Variants in ST7 observed in about 807,000 individuals in gnomAD.
The protein encoded by ST7 is suppression of tumorigenicity 7.
Under a neutral mutation model 78.7 loss-of-function variants are expected in ST7, and 28 were observed. The observed-to-expected ratio is 0.36, with a 90% confidence interval of 0.26 to 0.49. The LOEUF is 0.49. Ranked by LOEUF, ST7 falls within the 20% of genes least tolerant of loss-of-function variation. The pLI is 0.99. For synonymous variants in ST7, 247 were observed against 249.6 expected (o/e 0.99, Z 0.10); for missense variants, 418 against 696.0 (o/e 0.60, Z 4.49).
At chr7:117,009,909 C>T (rs542645159) in intron 1 of ST7, among the ~76,000 whole-genome samples, 1 of 152,282 alleles carries the variant, frequency 6.6e-6, no homozygotes, top group South Asian at 2.1e-4. Context: ...TTTGCAGCCA[C>T]TGAGAACCGG....
intron 3 of ST7, among the ~76,000 whole-genome samples, 165 bp downstream of exon 3, chr7:117,119,885 G>T (rs930703967): frequency 6.6e-6 from 1 of 152,006 alleles, no homozygotes; most frequent in African/African-American, 2.4e-5. Context: ...GAGAGGGAGG[G>T]TATAAACATC....
rs1446390601 is a variant in ST7 at position 117,124,998 on chromosome 7, C to G, written c.395-4795C>G. On this transcript the variant is annotated intron_variant, in intron 3 of 15. Transcript: ENST00000323984. ...TCAAATATATCCCTCAGCAAAACTG[C>G]AAAATGCTACATGTCAAGGACCTTT... Among the ~76,000 whole-genome samples the G allele has an allele frequency of 2.6e-5, 4 of 152,074 alleles. No individual in the cohort carries two copies. In the South Asian group the frequency reaches 8.3e-4, roughly 31 times the overall value.
chr7:117,177,936 A>G (rs1264311648), intron 10 of ST7, among the ~76,000 whole-genome samples: 1 of 152,230 alleles, frequency 6.6e-6, no homozygotes, highest in Non-Finnish European at 1.5e-5. Context: ...GTAAGAACAC[A>G]TCACAATCCA....
chr7:117,138,593 C>A, intron 9 of ST7, 61 bp downstream of exon 9: 1 of 1,213,794 alleles, frequency 8.2e-7, no homozygotes, highest in Non-Finnish European at 1.2e-6. Flanking sequence ...GCTGAATGGC[C>A]ATAGCAGTCT....
At chr7:117,099,071 A>AAAAAAG (rs1801363824) in intron 1 of ST7, among the ~76,000 whole-genome samples, 1 of 149,442 alleles carries the variant, frequency 6.7e-6, no homozygotes, top group East Asian at 1.9e-4. Flanking sequence ...AAAAACAAAA[A>AAAAAAG]AAAAAGAAGA....
intron 6 of ST7, among the ~76,000 whole-genome samples, chr7:117,132,953 G>C (rs1804486728): frequency 6.6e-6 from 1 of 151,836 alleles, no homozygotes; most frequent in Non-Finnish European, 1.5e-5. Flanking sequence ...AAGCCACCCA[G>C]TTACACTGTG....
chr7:117,119,987 G>A (rs544459422), intron 3 of ST7, among the ~76,000 whole-genome samples: 84 of 151,810 alleles, frequency 5.5e-4, no homozygotes, highest in South Asian at 1.0e-3. Context: ...GGAGTGCAGT[G>A]GCATGATCTT....
At chr7:117,103,405 A>C (rs1801711343) in intron 2 of ST7, among the ~76,000 whole-genome samples, 1 of 152,244 alleles carries the variant, frequency 6.6e-6, no homozygotes, top group Admixed American at 6.5e-5. Flanking sequence ...AAAAACAGAC[A>C]CATAGCAATG....
intron 1 of ST7, among the ~76,000 whole-genome samples, chr7:117,025,067 T>C (rs1796120307): frequency 6.6e-6 from 1 of 152,178 alleles, no homozygotes; most frequent in Non-Finnish European, 1.5e-5. Context: ...ACTCTAGCAA[T>C]ATTAAGTCAT....
chr7:116,975,663 C>T (rs953215940), intron 1 of ST7, among the ~76,000 whole-genome samples: 4 of 151,606 alleles, frequency 2.6e-5, no homozygotes, highest in African/African-American at 9.7e-5. Context: ...CTGCCTTGGC[C>T]TCCTAAAGTG....
chr7:116,999,367 G>T (rs113519306), intron 1 of ST7, among the ~76,000 whole-genome samples: 1,718 of 152,242 alleles, frequency 0.011, 26 homozygotes, highest in African/African-American at 0.038. Flanking sequence ...AAGCATCTTA[G>T]ATACTTGGAG....
chr7:116,972,549 C>G, intron 1 of ST7: 1 of 1,338,260 alleles, frequency 7.5e-7, no homozygotes, highest in Non-Finnish European at 1.1e-6. Flanking sequence ...TCCTATTTGC[C>G]TCTTCTGCAA....
intron 1 of ST7, among the ~76,000 whole-genome samples, chr7:117,016,638 A>G (rs906759557): frequency 1.3e-5 from 2 of 152,196 alleles, no homozygotes; most frequent in African/African-American, 4.8e-5. Flanking sequence ...GGAAATTCAC[A>G]TGACACTTTC....
chr7:117,129,890 G>A, intron 4 of ST7, 43 bp downstream of exon 4: 1 of 1,534,088 alleles, frequency 6.5e-7, no homozygotes, highest in Non-Finnish European at 9.0e-7. Context: ...GTCTGGTTCA[G>A]AGAGCAAAGA....
chr7:117,087,500 TG>T (rs1393838339), intron 1 of ST7, among the ~76,000 whole-genome samples: 1 of 152,174 alleles, frequency 6.6e-6, no homozygotes, highest in African/African-American at 2.4e-5. Flanking sequence ...AAAAGTTTGG[TG>T]TAAGAATGAA....
chr7:117,073,461 T>G (rs1006192642), intron 1 of ST7, among the ~76,000 whole-genome samples: 4 of 152,214 alleles, frequency 2.6e-5, no homozygotes, highest in Admixed American at 6.5e-5. Context: ...TTCATCCATC[T>G]ATCCTGAGGA....
At chr7:117,148,706 A>G (rs1806006147) in intron 9 of ST7, among the ~76,000 whole-genome samples, 1 of 152,206 alleles carries the variant, frequency 6.6e-6, no homozygotes, top group Non-Finnish European at 1.5e-5. Context: ...CTATGTCAAT[A>G]TCTATAAATT....
chr7:117,051,013 T>G (rs1004427774), intron 1 of ST7, among the ~76,000 whole-genome samples: 2 of 152,226 alleles, frequency 1.3e-5, no homozygotes, highest in African/African-American at 4.8e-5. Context: ...CAAATTTTTT[T>G]TCCAATATGT....
rs1448535991 is a variant in ST7, at chr7:116,990,126, T to C, written c.151+36435T>C. 9.9e-5 allele frequency among the ~76,000 whole-genome samples: 15 copies of C among 152,164 alleles called. No homozygotes were observed. In the East Asian group the frequency reaches 2.9e-3, roughly 30 times the overall value. On this transcript the variant is annotated intron_variant, in intron 1 of 15. Coordinates refer to ENST00000323984, the MANE Select transcript of ST7 (RefSeq NM_001369598.1). ...TAATTTTTTGTATTTTTAGTAGAGA[T>C]GGGGTTTCACCATGTTAGCCAGGAT...
Sources: gnomAD v4.1 joint callset for allele counts (sites outside exome capture counted in the v4.1 genomes callset) on GRCh38, gnomAD v4.1.1 for gene constraint, MANE v1.5 for transcripts, NCBI Gene and HGNC (gene_info 2026-07-23, HGNC 2026-07-21) for gene names.